Variants in SCARB1 observed in about 807,000 individuals in gnomAD.
SCARB1 encodes the protein CD36 and LIMPII analogous 1.
Under a neutral mutation model 57.2 loss-of-function variants are expected in SCARB1, and 30 were observed. The ratio of observed to expected loss-of-function variants is 0.52; its 90% CI spans 0.39 to 0.71. SCARB1 has a LOEUF of 0.71. SCARB1 is among the 30% of genes least tolerant of loss of function. The pLI, the probability that SCARB1 is intolerant of heterozygous loss-of-function variation, is 0.00. For missense variants in SCARB1, 543 were observed against 671.2 expected (o/e 0.81, Z 2.11); for synonymous variants, 249 against 268.3 (o/e 0.93, Z 0.70).
At chr12:124,786,839 A>G (rs1202932717) in intron 10 of SCARB1, among the ~76,000 whole-genome samples, 1 of 152,168 alleles carries the variant, frequency 6.6e-6, no homozygotes, top group Non-Finnish European at 1.5e-5. Flanking sequence ...GGAACCCTAA[A>G]TGACTGCAGG....
intron 1 of SCARB1, among the ~76,000 whole-genome samples, chr12:124,833,195 T>G (rs929829253): frequency 1.9e-5 from 2 of 105,174 alleles, no homozygotes; most frequent in African/African-American, 4.8e-5. Flanking sequence ...ATCCTTAACT[T>G]TTTTTTTTTT....
In SCARB1 at chr12:124,794,889, C is replaced by T. The variant is rs531431020; in HGVS notation, c.1202+306G>A. ...AGGTTGTGGTGAGCCAATATCCCGC[C>T]CTTGCACTCCAGCCTGGGCAACAAG... On this transcript the variant is annotated intron_variant, in intron 9 of 12. Coordinates refer to ENST00000261693, the MANE Select transcript of SCARB1 (RefSeq NM_005505.5). Among the ~76,000 whole-genome samples the T allele has an allele frequency of 9.2e-5, 14 of 152,180 alleles. No individual in the cohort carries two copies. In the East Asian group the frequency reaches 2.7e-3, roughly 30 times the overall value.
rs1002129558 is a variant in SCARB1 at position 124,817,290 on chromosome 12, C to T, written c.284+260G>A. The stretch of plus-strand genomic sequence containing the variant: ...ATCCCAGCACTTTGAGAGGCTGAGG[C>T]GGAGGATCGCTTGAGCCCAGGACTT... On this transcript the variant is annotated intron_variant, in intron 2 of 12. Transcript: ENST00000261693. This position sits in a 1 kb window ranked among gnomAD's most constrained non-coding sequence, Gnocchi z 4.8. Among the ~76,000 whole-genome samples, 5 of 131,062 alleles carry T rather than the reference C, an allele frequency of 3.8e-5. No homozygotes were observed. The highest frequency in any genetic ancestry group is 3.6e-4 in the Admixed American group (4 of 11,058). The allele number at this position is 131,062 out of a possible 152,430, so 86.0% of individuals were successfully genotyped here. A position where few individuals can be genotyped will look rare whatever the true frequency, so the allele number is the denominator to read the frequency against.
chr12:124,785,950 G>T, intron 11 of SCARB1: 1 of 976,588 alleles, frequency 1.0e-6, no homozygotes, highest in Non-Finnish European at 1.5e-6. Context: ...TGTCTCCCCG[G>T]CTGGGATGCC....
intron 1 of SCARB1, among the ~76,000 whole-genome samples, chr12:124,837,736 A>C (rs58497886): frequency 0.081 from 6,928 of 85,242 alleles, 555 homozygotes; most frequent in African/African-American, 0.19. Flanking sequence ...CCCACCCACC[A>C]ACCTATAAAA....
chr12:124,855,980 C>T (rs1952606241), intron 1 of SCARB1, among the ~76,000 whole-genome samples: 1 of 152,228 alleles, frequency 6.6e-6, no homozygotes, highest in African/African-American at 2.4e-5. Context: ...TGCTAGAAAC[C>T]AAAGGCCAGG....
chr12:124,780,406 C>T (rs2135517127), intron 12 of SCARB1, among the ~76,000 whole-genome samples: 1 of 152,310 alleles, frequency 6.6e-6, no homozygotes, highest in East Asian at 1.9e-4. Flanking sequence ...CAAGGCAGCC[C>T]CTCAGGGCCA....
chr12:124,852,023 C>T (rs1480311377), intron 1 of SCARB1, among the ~76,000 whole-genome samples: 2 of 152,152 alleles, frequency 1.3e-5, no homozygotes, highest in Non-Finnish European at 2.9e-5. Flanking sequence ...CCATCCAAGA[C>T]ACCTGATGGG....
chr12:124,817,616 A>G lies in SCARB1; in HGVS notation c.218T>C (p.Met73Thr). 3 of 1,614,196 alleles carry G rather than the reference A, an allele frequency of 1.9e-6. No individual in the cohort carries two copies. Among genetic ancestry groups the G allele is most frequent in the Non-Finnish European group, 2.5e-6 (3 of 1,180,016 alleles). The change falls in exon 2 of 13, where the codon ATG (methionine) becomes ACG (threonine). Residue 73 changes from methionine to threonine, a missense_variant. Coordinates refer to ENST00000261693, the MANE Select transcript of SCARB1 (RefSeq NM_005505.5). This position sits in a 1 kb window ranked among gnomAD's most constrained non-coding sequence, Gnocchi z 4.8. ...GCCCTTCAGGATCTCGCTGGGGTTC[A>G]TGACGTCAAAGAAGTAGACGGAGAG... ...FYLSVYFFDV[M>T]NPSEILKGEK...
chr12:124,779,323 C>T (rs1278151635), intron 12 of SCARB1, among the ~76,000 whole-genome samples: 2 of 152,204 alleles, frequency 1.3e-5, no homozygotes, highest in African/African-American at 4.8e-5. Context: ...GGGAGGAAAG[C>T]CAGCCACACA....
intron 6 of SCARB1, among the ~76,000 whole-genome samples, chr12:124,809,224 C>T (rs944872719): frequency 2.2e-4 from 33 of 151,970 alleles, no homozygotes; most frequent in Admixed American, 9.8e-4. Flanking sequence ...GGCTAGTGAA[C>T]CTGGGTGAAG....
chr12:124,791,330 G>C (rs1310671467), intron 9 of SCARB1, among the ~76,000 whole-genome samples: 3 of 152,160 alleles, frequency 2.0e-5, no homozygotes, highest in Admixed American at 2.0e-4. Context: ...AGCCTGCGGT[G>C]GCCTTGGGAC....
At chr12:124,846,036 A>T (rs1329827488) in intron 1 of SCARB1, among the ~76,000 whole-genome samples, 4 of 152,080 alleles carry the variant, frequency 2.6e-5, no homozygotes. Flanking sequence ...AAAGAAAGAA[A>T]GAAATGTCCG....
At position 124,814,932 on chromosome 12, in the gene SCARB1, G is replaced by C. The variant is rs1231441308; in HGVS notation, c.426+41C>G. 1 of 1,613,132 alleles carries C rather than the reference G, an allele frequency of 6.2e-7. No individual in the cohort carries two copies. Among genetic ancestry groups the C allele is most frequent in the Non-Finnish European group, 8.5e-7 (1 of 1,179,666 alleles). On this transcript the variant is annotated intron_variant, in intron 3 of 12. Coordinates refer to ENST00000261693, the MANE Select transcript of SCARB1 (RefSeq NM_005505.5). The surrounding 1 kb of genome is among the most constrained non-coding windows in gnomAD (Gnocchi z 4.7). ...AGGCGGGAGGAGAGACAGGGGACGA[G>C]GTCAGGGTGCGAGGCGGCGTGGGCC...
At chr12:124,802,961 G>C (rs1453248737) in intron 7 of SCARB1, among the ~76,000 whole-genome samples, 1 of 152,216 alleles carries the variant, frequency 6.6e-6, no homozygotes. Flanking sequence ...CGAAAAACAG[G>C]AACTTGGATG....
At chr12:124,827,730 C>G (rs1000490707) in intron 1 of SCARB1, among the ~76,000 whole-genome samples, 1 of 152,196 alleles carries the variant, frequency 6.6e-6, no homozygotes, top group Non-Finnish European at 1.5e-5. Flanking sequence ...AAATCCCTCA[C>G]CCCTTCGAAT....
chr12:124,852,551 C>G (rs541235131), intron 1 of SCARB1, among the ~76,000 whole-genome samples: 2 of 152,338 alleles, frequency 1.3e-5, no homozygotes, highest in South Asian at 4.1e-4. Context: ...CGGAGGACCC[C>G]CACTGGGGCC....
At chr12:124,820,202 C>CGGGGTGCGCCATGAGCCTG (rs1238302574) in intron 1 of SCARB1, among the ~76,000 whole-genome samples, 1 of 152,110 alleles carries the variant, frequency 6.6e-6, no homozygotes, top group Admixed American at 6.6e-5. Context: ...CGAGCATTTC[C>CGGGGTGCGCCATGAGCCTG]GGGGTGCGCC....
At chr12:124,833,641 C>T (rs1254965205) in intron 1 of SCARB1, among the ~76,000 whole-genome samples, 3 of 152,134 alleles carry the variant, frequency 2.0e-5, no homozygotes, top group Non-Finnish European at 2.9e-5. Flanking sequence ...TCCCACACAG[C>T]CCCCTCCACC....
Sources: gnomAD v4.1 joint callset for allele counts (sites outside exome capture counted in the v4.1 genomes callset) on GRCh38, gnomAD v4.1.1 for gene constraint, Gnocchi (gnomAD v3.1) non-coding constraint, MANE v1.5 for transcripts, NCBI Gene and HGNC (gene_info 2026-07-23, HGNC 2026-07-21) for gene names.